The following SUPT6H variants were observed in gnomAD, a reference collection of about 807,000 sequenced individuals.
SUPT6H encodes the protein SPT6 homolog, histone chaperone and transcription elongation factor, also known as transcription elongation factor SPT6.
Under a neutral mutation model 222.3 loss-of-function variants are expected in SUPT6H, and 11 were observed. That is an observed-to-expected ratio of 0.05 (90% CI 0.03 to 0.08). The LOEUF is 0.08. SUPT6H is among the 10% of genes least tolerant of loss of function. SUPT6H has a pLI of 1.00. For synonymous variants in SUPT6H, 762 were observed against 801.2 expected (o/e 0.95, Z 0.83); for missense variants, 1,422 against 2,216.0 (o/e 0.64, Z 7.19).
chr17:28,676,535 C>A, intron 7 of SUPT6H, 105 bp downstream of exon 7: 1 of 1,526,020 alleles, frequency 6.6e-7, no homozygotes, highest in Non-Finnish European at 8.8e-7. Flanking sequence ...CAGGTTTGAA[C>A]CTCATCTCAC....
intron 1 of SUPT6H, among the ~76,000 whole-genome samples, chr17:28,668,779 C>G (rs552705671): frequency 7.5e-4 from 114 of 152,302 alleles, no homozygotes; most frequent in Non-Finnish European, 1.4e-3. Flanking sequence ...GGCTGCCGTA[C>G]TCAAATCTGT....
intron 35 of SUPT6H, 106 bp downstream of exon 35, chr17:28,700,618 C>A (rs1350642222): frequency 7.1e-7 from 1 of 1,411,004 alleles, no homozygotes. Flanking sequence ...CTGCCACGGC[C>A]TTGGTAACTG....
Position 28,677,877 on chromosome 17 carries a change from A to G in SUPT6H, c.999+61A>G, listed in dbSNP as rs2030854890. The G allele has an allele frequency of 2.7e-6, 4 of 1,485,578 alleles. No homozygotes were observed. In the South Asian group the frequency reaches 4.5e-5, roughly 17 times the overall value. 92.0% of individuals were successfully genotyped at this position (1,485,578 alleles called of 1,614,324 possible). On this transcript the variant is annotated intron_variant, in intron 8 of 36. Coordinates refer to ENST00000314616, the MANE Select transcript of SUPT6H (RefSeq NM_003170.5). ...CAAAAGACACTTCATCAAGATGGGG[A>G]GCTCTTCCTCCCCTATTTCATACAT...
At chr17:28,689,097 T>A in intron 24 of SUPT6H, 1 of 430,484 alleles carries the variant, frequency 2.3e-6, no homozygotes, top group East Asian at 4.0e-5. Flanking sequence ...ATGCATTTAC[T>A]AACTACCCAT....
rs745700462 is a variant in SUPT6H, at chr17:28,690,879, C to T, written c.3491-42C>T. The T allele has an allele frequency of 6.3e-6, 10 of 1,597,770 alleles. No individual in the cohort carries two copies. The African/African-American group carries it at 1.2e-4, about 19-fold the overall frequency. The stretch of plus-strand genomic sequence containing the variant: ...GGCTGGTGGAAAGAAGTGCTCTCCA[C>T]ATTCTCTGAGCCTGCTCCCCATCCT... On this transcript the variant is annotated intron_variant, in intron 26 of 36. Transcript: ENST00000314616.
intron 1 of SUPT6H, among the ~76,000 whole-genome samples, chr17:28,662,885 C>T (rs186940825): frequency 6.6e-6 from 1 of 152,322 alleles, no homozygotes; most frequent in Non-Finnish European, 1.5e-5. Flanking sequence ...CGTCCATTCT[C>T]TATAGATTCA....
chr17:28,670,078 A>C (rs776296904), intron 1 of SUPT6H: 2 of 152,374 alleles, frequency 1.3e-5, no homozygotes, highest in Non-Finnish European at 2.9e-5. Flanking sequence ...AACCTCTGGA[A>C]AACTCCACTC....
At chr17:28,699,726 C>T (rs913333360) in intron 32 of SUPT6H, 55 bp from the exon 33 acceptor site, 1 of 1,477,306 alleles carries the variant, frequency 6.8e-7, no homozygotes, top group African/African-American at 1.4e-5. Flanking sequence ...GTTCTGGTCG[C>T]TCTTGTGGTG....
chr17:28,677,697 T>C lies in SUPT6H; in HGVS notation c.898-18T>C. On this transcript the variant is annotated intron_variant, in intron 7 of 36. Transcript: ENST00000314616. ...ACAAGATAAAGTCCGTCTCACCCTG[T>C]TGTCTTATCCACTCCAGCTCCGCTC... is the stretch of plus-strand genomic sequence containing the variant. The C allele has an allele frequency of 6.3e-7, 1 of 1,595,550 alleles. No homozygotes were observed. The highest frequency in any genetic ancestry group is 1.7e-5 in the Admixed American group (1 of 59,096).
At chr17:28,695,570 C>G (rs770386372) in intron 29 of SUPT6H, 23 bp downstream of exon 29, 32 of 1,602,916 alleles carry the variant, frequency 2.0e-5, no homozygotes, top group Admixed American at 1.2e-4. Flanking sequence ...CCCACCATCT[C>G]TGTGCACCCT....
chr17:28,696,400 G>A (rs1485309232), intron 29 of SUPT6H, among the ~76,000 whole-genome samples: 2 of 145,742 alleles, frequency 1.4e-5, no homozygotes, highest in African/African-American at 2.5e-5. Flanking sequence ...AGTTCAAGAC[G>A]AGCCTGGCCA....
At position 28,684,868 on chromosome 17, in the gene SUPT6H, G is replaced by A. The variant is rs2031302313; in HGVS notation, c.2394G>A (p.Leu798=). 1.9e-6 allele frequency: 3 copies of A among 1,614,116 alleles called. No homozygotes were observed. Among genetic ancestry groups the A allele is most frequent in the Non-Finnish European group, 2.5e-6 (3 of 1,180,036 alleles). Residue 798 remains leucine (L), a synonymous_variant, in exon 19 of 37, where the codon CTG becomes CTA. Transcript: ENST00000314616. ...SARDHPVFCA[L]VNGEGEVTDF... ...GAGATCACCCTGTGTTCTGCGCCCT[G>A]GTCAATGGTGAAGGAGAAGTGACAG...
In SUPT6H at chr17:28,688,261, G is replaced by T; in HGVS notation, c.3134+43G>T. The T allele has an allele frequency of 6.3e-7, 1 of 1,592,440 alleles. No homozygotes were observed. On this transcript the variant is annotated intron_variant, in intron 24 of 36. Coordinates refer to ENST00000314616, the MANE Select transcript of SUPT6H (RefSeq NM_003170.5). This position sits in a 1 kb window ranked among gnomAD's most constrained non-coding sequence, Gnocchi z 4.3. The stretch of plus-strand genomic sequence containing the variant: ...GATGGGGCAGGAGGAATTCCCTTGT[G>T]GGCTTTGTTTTCGGGTTTCAGGGGT...
intron 11 of SUPT6H, 144 bp from the exon 12 acceptor site, chr17:28,681,106 TAATAAC>T: frequency 1.3e-6 from 1 of 766,344 alleles, no homozygotes; most frequent in Non-Finnish European, 2.1e-6. Context: ...CTCAGAAAAA[TAATAAC>T]AATAGTAATA....
At position 28,682,821 on chromosome 17, in the gene SUPT6H, G is replaced by A. The variant is rs772661862; in HGVS notation, c.1692G>A (p.Ala564=). The A allele has an allele frequency of 9.3e-6, 15 of 1,614,044 alleles. No individual in the cohort carries two copies. Among genetic ancestry groups the A allele is most frequent in the East Asian group, 4.5e-5 (2 of 44,896 alleles). ...YQRHETEQFP[A]EPLELAKDYV... ...GGCACGAGACAGAGCAGTTTCCCGCGGAGCCCTTGGAGCTGGCCAAGGATT... is the reference window on the plus strand; with the variant it reads ...GGCACGAGACAGAGCAGTTTCCCGCAGAGCCCTTGGAGCTGGCCAAGGATT... The change falls in exon 14 of 37, where the codon GCG becomes GCA. Residue 564 remains alanine (A), a synonymous_variant. Coordinates refer to ENST00000314616, the MANE Select transcript of SUPT6H (RefSeq NM_003170.5).
At chr17:28,675,767 A>G (rs960758688) in intron 6 of SUPT6H, among the ~76,000 whole-genome samples, 9 of 152,304 alleles carry the variant, frequency 5.9e-5, no homozygotes, top group South Asian at 4.1e-4. Flanking sequence ...ATTCAATTAT[A>G]TATATATTGA....
chr17:28,700,201 C>A lies in SUPT6H; in HGVS notation c.4590C>A (p.Thr1530=). The A allele has an allele frequency of 6.2e-7, 1 of 1,614,202 alleles. No individual in the cohort carries two copies. The highest frequency in any genetic ancestry group is 8.5e-7 in the Non-Finnish European group (1 of 1,180,042). The stretch of plus-strand genomic sequence containing the variant: ...TCACCCCTAGCAGCAGCAGCAGGAC[C>A]CGGACACCTGCCTCTATCAATGCTA... The part of the protein sequence containing the change: ...PGITPSSSSR[T]RTPASINATP... Residue 1530 remains threonine (T), a synonymous_variant, in exon 34 of 37, where the codon ACC becomes ACA. Transcript: ENST00000314616.
At chr17:28,677,570 G>A (rs545375944) in intron 7 of SUPT6H, 145 bp from the exon 8 acceptor site, 18 of 670,000 alleles carry the variant, frequency 2.7e-5, no homozygotes, top group Non-Finnish European at 3.7e-5. Context: ...CTTATTTCAT[G>A]CCAGAACAAC....
chr17:28,686,455 C>T, intron 20 of SUPT6H, 40 bp downstream of exon 20: 1 of 1,596,316 alleles, frequency 6.3e-7, no homozygotes, highest in Non-Finnish European at 8.6e-7. Flanking sequence ...AAGGCCGTGA[C>T]CCAACTCATC....
Sources: allele counts gnomAD v4.1 joint callset (sites outside exome capture counted in the v4.1 genomes callset), GRCh38; gene constraint gnomAD v4.1.1; non-coding constraint Gnocchi (gnomAD v3.1); transcripts MANE v1.5; gene names NCBI Gene and HGNC (gene_info 2026-07-23, HGNC 2026-07-21).